CPQ: variants seen among roughly 807,000 people sequenced by gnomAD.
CPQ encodes the protein carboxypeptidase Q, also known as Ser-Met dipeptidase.
A neutral mutation model predicts 45.7 loss-of-function variants in CPQ; 37 were observed. The ratio of observed to expected loss-of-function variants is 0.81; its 90% CI spans 0.62 to 1.07. CPQ has a LOEUF of 1.07. Ranked by LOEUF, CPQ falls within the 50% of genes least tolerant of loss-of-function variation. The pLI is 0.00. For missense variants in CPQ, 537 were observed against 572.9 expected, an observed-to-expected ratio of 0.94 and a Z score of 0.64; for synonymous variants, 186 against 205.8, an observed-to-expected ratio of 0.90 and a Z score of 0.82.
At chr8:97,061,578 G>C (rs1281597552) in intron 6 of CPQ, among the ~76,000 whole-genome samples, 1 of 152,080 alleles carries the variant, frequency 6.6e-6, no homozygotes, top group East Asian at 1.9e-4. Context: ...CTAAACCTCA[G>C]TTACTTCATC....
At chr8:96,777,762 T>A (rs12675878) in intron 1 of CPQ, among the ~76,000 whole-genome samples, 150 of 15,974 alleles carry the variant, frequency 9.4e-3, no homozygotes, top group South Asian at 0.019. Flanking sequence ...ATATATATAT[T>A]TTTTTTTTTT....
intron 7 of CPQ, among the ~76,000 whole-genome samples, chr8:97,110,547 C>G (rs949316588): frequency 2.0e-5 from 3 of 152,156 alleles, no homozygotes; most frequent in African/African-American, 7.2e-5. Context: ...AAACTATTTT[C>G]CAAAGTGGTT....
chr8:96,800,100 G>A (rs1810986954), intron 2 of CPQ, among the ~76,000 whole-genome samples: 1 of 152,140 alleles, frequency 6.6e-6, no homozygotes, highest in Non-Finnish European at 1.5e-5. Context: ...GAAGATATTA[G>A]CACTGTCTAA....
chr8:97,130,935 CAGTT>C (rs1479149549), intron 7 of CPQ, among the ~76,000 whole-genome samples: 2 of 152,068 alleles, frequency 1.3e-5, no homozygotes, highest in Non-Finnish European at 2.9e-5. Flanking sequence ...ATCAGGTAGT[CAGTT>C]AAAGAGGCTG....
intron 2 of CPQ, among the ~76,000 whole-genome samples, chr8:96,804,059 G>A (rs1293091683): frequency 6.6e-6 from 1 of 152,188 alleles, no homozygotes; most frequent in African/African-American, 2.4e-5. Context: ...TCAAAGAGAT[G>A]TGACATTGAA....
At chr8:96,662,399 T>C (rs1032932339) in intron 1 of CPQ, among the ~76,000 whole-genome samples, 1 of 152,180 alleles carries the variant, frequency 6.6e-6, no homozygotes, top group African/African-American at 2.4e-5. Flanking sequence ...GATAATCGCA[T>C]CTTCTTCTGC....
intron 6 of CPQ, among the ~76,000 whole-genome samples, chr8:97,049,192 G>A (rs1406623209): frequency 6.6e-6 from 1 of 152,188 alleles, no homozygotes; most frequent in Non-Finnish European, 1.5e-5. Flanking sequence ...TTCAAGTGGA[G>A]TGAAGTGCTT....
chr8:96,689,734 A>G (rs892541454), intron 1 of CPQ, among the ~76,000 whole-genome samples: 1 of 152,014 alleles, frequency 6.6e-6, no homozygotes, highest in Non-Finnish European at 1.5e-5. Context: ...CTTTTTGGGG[A>G]CACTAGTTGT....
At chr8:96,756,320 A>G (rs1163020569) in intron 1 of CPQ, among the ~76,000 whole-genome samples, 1 of 152,078 alleles carries the variant, frequency 6.6e-6, no homozygotes, top group African/African-American at 2.4e-5. Context: ...GAATTTCCCA[A>G]TTTAGCATTC....
At chr8:96,661,132 T>TA (rs1304480216) in intron 1 of CPQ, among the ~76,000 whole-genome samples, 2 of 152,186 alleles carry the variant, frequency 1.3e-5, no homozygotes, top group Non-Finnish European at 2.9e-5. Context: ...TGTGACTTTT[T>TA]ATAAAATGGA....
At chr8:96,959,473 CT>C (rs1356065577) in intron 4 of CPQ, among the ~76,000 whole-genome samples, 3 of 152,154 alleles carry the variant, frequency 2.0e-5, no homozygotes, top group Admixed American at 2.0e-4. Context: ...AACCTTTCCC[CT>C]GTTAGTCATT....
chr8:96,851,614 C>A (rs1336534770), intron 3 of CPQ, among the ~76,000 whole-genome samples: 3 of 152,270 alleles, frequency 2.0e-5, no homozygotes. Flanking sequence ...AAGCCTTAAT[C>A]CCATTTATGA....
At chr8:96,779,713 A>C (rs1190037320) in intron 1 of CPQ, among the ~76,000 whole-genome samples, 1 of 152,200 alleles carries the variant, frequency 6.6e-6, no homozygotes. Context: ...AGAAGTAGAT[A>C]TTTGTGGTTA....
At chr8:97,013,438 G>A (rs146978140) in intron 5 of CPQ, among the ~76,000 whole-genome samples, 156 of 152,152 alleles carry the variant, frequency 1.0e-3, no homozygotes, top group African/African-American at 3.6e-3. Context: ...TAACAAATAC[G>A]TATAGGGCTC....
At chr8:96,763,065 G>T (rs1013436343) in intron 1 of CPQ, among the ~76,000 whole-genome samples, 2 of 152,084 alleles carry the variant, frequency 1.3e-5, no homozygotes, top group Non-Finnish European at 2.9e-5. Context: ...TTCTCCTTAT[G>T]TCTTCATGTG....
intron 1 of CPQ, among the ~76,000 whole-genome samples, chr8:96,783,581 A>G (rs1810720122): frequency 6.6e-6 from 1 of 152,158 alleles, no homozygotes. Flanking sequence ...CACAAGCGCA[A>G]TTACATTTCA....
chr8:96,796,096 T>G (rs904364253), intron 2 of CPQ, among the ~76,000 whole-genome samples: 5 of 152,128 alleles, frequency 3.3e-5, no homozygotes, highest in Admixed American at 6.6e-5. Flanking sequence ...TGTTAAATTG[T>G]TTTCCAGATT....
At chr8:96,706,417 C>T (rs369025089) in intron 1 of CPQ, among the ~76,000 whole-genome samples, 3 of 151,892 alleles carry the variant, frequency 2.0e-5, no homozygotes, top group Non-Finnish European at 4.4e-5. Context: ...CTGCATAGGG[C>T]TGGAGAAGAG....
intron 1 of CPQ, among the ~76,000 whole-genome samples, chr8:96,692,017 C>T (rs751066010): frequency 1.8e-4 from 28 of 152,096 alleles, no homozygotes; most frequent in Non-Finnish European, 3.5e-4. Context: ...GACAATAATA[C>T]TATTAATAAG....
Sources: gnomAD v4.1 joint callset for allele counts (sites outside exome capture counted in the v4.1 genomes callset) on GRCh38, gnomAD v4.1.1 for gene constraint, MANE v1.5 for transcripts, NCBI Gene and HGNC (gene_info 2026-07-23, HGNC 2026-07-21) for gene names.